Variants in USP47 observed in about 807,000 individuals in gnomAD.
The protein encoded by USP47 is ubiquitin specific peptidase 47.
A neutral mutation model predicts 165.1 loss-of-function variants in USP47; 35 were observed. That is an observed-to-expected ratio of 0.21 (90% CI 0.16 to 0.28). USP47 has a LOEUF of 0.28. Among genes scored for constraint, USP47 ranks in the 10% least tolerant of loss-of-function variants. The pLI is 1.00. For synonymous variants in USP47, 531 were observed against 544.5 expected (o/e 0.98, Z 0.35); for missense variants, 1,277 against 1,607.4 (o/e 0.79, Z 3.52).
intron 21 of USP47, 107 bp from the exon 22 acceptor site, chr11:11,948,371 C>G (rs1203104722): frequency 1.2e-5 from 12 of 981,078 alleles, no homozygotes; most frequent in Non-Finnish European, 1.8e-5. Flanking sequence ...TGCCTGTTCT[C>G]AGAGAGCCTA....
intron 1 of USP47, among the ~76,000 whole-genome samples, chr11:11,871,245 T>C (rs554638230): frequency 1.1e-4 from 16 of 152,042 alleles, no homozygotes; most frequent in African/African-American, 3.6e-4. Flanking sequence ...GGCGCACGCA[T>C]GTAATCTCAG....
intron 1 of USP47, among the ~76,000 whole-genome samples, chr11:11,877,789 TTCTCTC>T (rs902594958): frequency 9.9e-5 from 12 of 121,182 alleles, no homozygotes; most frequent in African/African-American, 3.5e-4. Flanking sequence ...CTCTCTCTCT[TTCTCTC>T]TCTCTCTCTC....
intron 4 of USP47, among the ~76,000 whole-genome samples, chr11:11,892,994 T>G (rs2134388206): frequency 6.6e-6 from 1 of 152,266 alleles, no homozygotes; most frequent in Middle Eastern, 3.4e-3. Context: ...ATTTTATGGG[T>G]CTGTTGTGTT....
intron 1 of USP47, among the ~76,000 whole-genome samples, chr11:11,862,698 A>G (rs557210105): frequency 9.4e-4 from 143 of 152,260 alleles, no homozygotes; most frequent in Non-Finnish European, 1.8e-3. Context: ...TTTAATTTGT[A>G]TAAACGTATG....
chr11:11,934,633 A>C (rs10765911), intron 16 of USP47, among the ~76,000 whole-genome samples: 35,813 of 152,010 alleles, frequency 0.24, 5,098 homozygotes, highest in Non-Finnish European at 0.32. Context: ...GAAAGGAGCC[A>C]TATGTTTAGA....
intron 1 of USP47, among the ~76,000 whole-genome samples, chr11:11,852,093 A>G (rs1848760400): frequency 6.6e-6 from 1 of 152,200 alleles, no homozygotes; most frequent in African/African-American, 2.4e-5. Context: ...TAAAAATAAA[A>G]TAGCTTTTAA....
At chr11:11,893,611 T>C (rs1851678763) in intron 4 of USP47, among the ~76,000 whole-genome samples, 1 of 152,098 alleles carries the variant, frequency 6.6e-6, no homozygotes, top group Non-Finnish European at 1.5e-5. Context: ...TTTTAAATTT[T>C]TGTAGAGATG....
At chr11:11,890,969 G>A (rs1055478962) in intron 3 of USP47, among the ~76,000 whole-genome samples, 3 of 151,990 alleles carry the variant, frequency 2.0e-5, no homozygotes, top group East Asian at 1.9e-4. Flanking sequence ...ATGAGAACAC[G>A]TGGACACAGG....
At chr11:11,901,146 G>A (rs1852200778) in intron 5 of USP47, among the ~76,000 whole-genome samples, 1 of 152,162 alleles carries the variant, frequency 6.6e-6, no homozygotes, top group Non-Finnish European at 1.5e-5. Flanking sequence ...GGGAGTGCCA[G>A]TGTGTAACAA....
chr11:11,915,109 A>G (rs571818470), intron 8 of USP47, among the ~76,000 whole-genome samples: 2 of 152,334 alleles, frequency 1.3e-5, no homozygotes, highest in Non-Finnish European at 2.9e-5. Flanking sequence ...ATGGTTTAAC[A>G]AACTGTGGTT....
rs1856136122 is a variant in USP47 at position 11,950,350 on chromosome 11, T to TA, written c.3465-13dup. On this transcript the variant is annotated splice_polypyrimidine_tract_variant and intron_variant, in intron 23 of 27. Transcript: ENST00000527733. Reference sequence around the variant, plus strand: ...CAAATTATAGTCGTTTTAAATGTCTTATCACATTTGTAGGTTTCGTCTAAG... The same window carrying TA: ...CAAATTATAGTCGTTTTAAATGTCTTAATCACATTTGTAGGTTTCGTCTAAG... 5.9e-6 allele frequency: 9 copies of TA among 1,523,778 alleles called. No individual in the cohort carries two copies. Among genetic ancestry groups the TA allele is most frequent in the Non-Finnish European group, 8.0e-6 (9 of 1,122,090 alleles). The allele number at this position is 1,523,778 out of a possible 1,614,324, so 94.4% of individuals were successfully genotyped here.
At chr11:11,845,450 A>G (rs751345709) in intron 1 of USP47, among the ~76,000 whole-genome samples, 1 of 152,018 alleles carries the variant, frequency 6.6e-6, no homozygotes, top group Non-Finnish European at 1.5e-5. Context: ...GAAGACCTTT[A>G]TATAGGAATA....
intron 1 of USP47, among the ~76,000 whole-genome samples, chr11:11,847,878 C>G (rs1479608527): frequency 6.6e-6 from 1 of 152,164 alleles, no homozygotes; most frequent in Non-Finnish European, 1.5e-5. Context: ...ATGATAGGTA[C>G]TATTTGTAAA....
chr11:11,891,367 T>A (rs1851502235), intron 3 of USP47, among the ~76,000 whole-genome samples: 1 of 152,206 alleles, frequency 6.6e-6, no homozygotes, highest in Admixed American at 6.5e-5. Flanking sequence ...TTAAACACAG[T>A]CCATCTGTAC....
At chr11:11,898,136 CGT>C (rs144672685) in intron 5 of USP47, among the ~76,000 whole-genome samples, 4,027 of 94,032 alleles carry the variant, frequency 0.043, 151 homozygotes, top group African/African-American at 0.095. Context: ...CGTGTGTGTG[CGT>C]GTGTGTGTGT....
In USP47 at chr11:11,884,513, T is replaced by C. The variant is rs1164868664; in HGVS notation, c.290T>C (p.Phe97Ser). The C allele has an allele frequency of 1.2e-6, 2 of 1,612,186 alleles. No homozygotes were observed. Among genetic ancestry groups the C allele is most frequent in the Non-Finnish European group, 1.7e-6 (2 of 1,179,342 alleles). ...TSDKSLLDANFEPGKKNFLHL... is the reference protein window; with the variant it reads ...TSDKSLLDANSEPGKKNFLHL... ...GACAAGTCACTTCTCGACGCTAATT[T>C]TGAGCCAGGAAAGAAGAACTTTCTG... The change falls in exon 3 of 28, where the codon TTT becomes TCT. Residue 97 changes from phenylalanine to serine, a missense_variant. Physicochemically the swap from Phe to Ser is radical, Grantham distance 155 (BLOSUM62 -2). Transcript: ENST00000527733.
At chr11:11,844,136 CCA>C (rs753240514) in intron 1 of USP47, among the ~76,000 whole-genome samples, 1 of 152,156 alleles carries the variant, frequency 6.6e-6, no homozygotes, top group Non-Finnish European at 1.5e-5. Flanking sequence ...CTGAAAATCA[CCA>C]GTTATCTCTT....
intron 6 of USP47, 50 bp downstream of exon 6, chr11:11,902,910 A>G: frequency 6.8e-7 from 1 of 1,468,822 alleles, no homozygotes; most frequent in South Asian, 1.6e-5. Flanking sequence ...AACAAATTCT[A>G]GAAGACAATA....
At chr11:11,861,434 G>C (rs1464019389) in intron 1 of USP47, among the ~76,000 whole-genome samples, 1 of 152,124 alleles carries the variant, frequency 6.6e-6, no homozygotes, top group East Asian at 1.9e-4. Flanking sequence ...TGAGTGTGAT[G>C]AGCCATCTGG....
Sources: allele counts gnomAD v4.1 joint callset (sites outside exome capture counted in the v4.1 genomes callset), GRCh38; gene constraint gnomAD v4.1.1; transcripts MANE v1.5; gene names NCBI Gene and HGNC (gene_info 2026-07-23, HGNC 2026-07-21).